SORCS1: variants seen among roughly 807,000 people sequenced by gnomAD.
SORCS1 encodes the protein VPS10 domain-containing receptor SorCS1.
In SORCS1, 60 loss-of-function variants were observed where a neutral mutation model predicts 146.1. That is an observed-to-expected ratio of 0.41 (90% CI 0.33 to 0.51). The LOEUF (loss-of-function observed/expected upper bound fraction) is 0.51. SORCS1 is among the 20% of genes least tolerant of loss of function. The pLI is 0.21. For synonymous variants in SORCS1, 637 were observed against 584.0 expected, an observed-to-expected ratio of 1.09 and a Z score of -1.31; for missense variants, 1,352 against 1,487.6, an observed-to-expected ratio of 0.91 and a Z score of 1.50.
At chr10:107,123,275 A>G (rs1220932679) in intron 1 of SORCS1, among the ~76,000 whole-genome samples, 1 of 152,230 alleles carries the variant, frequency 6.6e-6, no homozygotes, top group Non-Finnish European at 1.5e-5. Flanking sequence ...TGATGTTGAA[A>G]GCTTAGACTA....
chr10:106,784,777 C>T (rs7081367), intron 3 of SORCS1, among the ~76,000 whole-genome samples: 7,867 of 152,160 alleles, frequency 0.052, 310 homozygotes, highest in South Asian at 0.11. Context: ...CTTTATTCCA[C>T]AAGAAATGAT....
At chr10:106,886,247 A>C (rs912200983) in intron 2 of SORCS1, among the ~76,000 whole-genome samples, 1 of 152,154 alleles carries the variant, frequency 6.6e-6, no homozygotes, top group African/African-American at 2.4e-5. Flanking sequence ...GGGTGACAAG[A>C]GTGAGACTCT....
At position 106,990,970 on chromosome 10, in the gene SORCS1, G is replaced by C. The variant is rs74152298; in HGVS notation, c.559-34390C>G. The stretch of plus-strand genomic sequence containing the variant: ...TGCAGCTAAAATAATCTTGCTTAAA[G>C]GAACCTTCATGCCTAGCCATTGGTT... On this transcript the variant is annotated intron_variant, in intron 1 of 25. Coordinates refer to ENST00000263054, the MANE Select transcript of SORCS1 (RefSeq NM_052918.5). Among the ~76,000 whole-genome samples the C allele has an allele frequency of 4.9e-3, 751 of 152,284 alleles. 10 individuals are homozygous for C. The highest frequency in any genetic ancestry group is 0.017 in the African/African-American group (713 of 41,554).
intron 5 of SORCS1, among the ~76,000 whole-genome samples, chr10:106,742,149 T>C (rs889055185): frequency 6.6e-6 from 1 of 152,194 alleles, no homozygotes; most frequent in East Asian, 1.9e-4. Context: ...TTGATCTTCA[T>C]TGGAGAGGCA....
intron 1 of SORCS1, among the ~76,000 whole-genome samples, chr10:106,986,606 T>C (rs376650285): frequency 3.0e-4 from 46 of 152,166 alleles, no homozygotes; most frequent in African/African-American, 1.1e-3. Flanking sequence ...TGGTACTCTA[T>C]GTACACAGAT....
chr10:106,702,720 CCTT>C (rs1243214822), intron 8 of SORCS1, among the ~76,000 whole-genome samples: 1 of 152,106 alleles, frequency 6.6e-6, no homozygotes, highest in Admixed American at 6.6e-5. Context: ...TATATATTAT[CCTT>C]CTTTTTTCTC....
At chr10:106,863,256 A>G (rs1440688946) in intron 2 of SORCS1, among the ~76,000 whole-genome samples, 1 of 152,002 alleles carries the variant, frequency 6.6e-6, no homozygotes, top group Non-Finnish European at 1.5e-5. Context: ...GGGCACGGTG[A>G]CTCACACCTA....
intron 2 of SORCS1, among the ~76,000 whole-genome samples, chr10:106,842,316 C>T (rs1216668873): frequency 3.9e-5 from 6 of 152,144 alleles, no homozygotes; most frequent in African/African-American, 4.8e-5. Context: ...TCACTGCAAC[C>T]GCCATTTCCC....
At chr10:107,146,480 G>A (rs542200592) in intron 1 of SORCS1, among the ~76,000 whole-genome samples, 16 of 152,240 alleles carry the variant, frequency 1.1e-4, no homozygotes, top group East Asian at 3.9e-4. Context: ...ACTACAGAAC[G>A]TGAGTGGATG....
intron 3 of SORCS1, among the ~76,000 whole-genome samples, chr10:106,811,495 C>T (rs995814170): frequency 3.9e-5 from 6 of 152,088 alleles, no homozygotes; most frequent in Admixed American, 2.6e-4. Context: ...TCAGAACTAA[C>T]GACCTAGAAT....
intron 2 of SORCS1, among the ~76,000 whole-genome samples, chr10:106,832,777 T>A (rs1193557129): frequency 1.4e-4 from 22 of 152,032 alleles, no homozygotes; most frequent in Admixed American, 1.4e-3. Context: ...TAAGACTACA[T>A]GAGAGACAAG....
chr10:107,118,834 A>C (rs924907512), intron 1 of SORCS1, among the ~76,000 whole-genome samples: 1 of 152,216 alleles, frequency 6.6e-6, no homozygotes, highest in Admixed American at 6.5e-5. Context: ...ATGTCTGAGC[A>C]ATGGATACAG....
At chr10:107,145,077 G>A (rs1423466198) in intron 1 of SORCS1, among the ~76,000 whole-genome samples, 2 of 152,168 alleles carry the variant, frequency 1.3e-5, no homozygotes, top group African/African-American at 4.8e-5. Flanking sequence ...AGGGGGAGGT[G>A]TAAAAGCATT....
chr10:106,583,096 T>G (rs2133215868), intron 24 of SORCS1, among the ~76,000 whole-genome samples: 1 of 152,314 alleles, frequency 6.6e-6, no homozygotes, highest in East Asian at 1.9e-4. Flanking sequence ...ACGAAACTAG[T>G]GTTTAGTCTA....
At chr10:106,713,663 T>C (rs1051618892) in intron 6 of SORCS1, among the ~76,000 whole-genome samples, 1 of 152,178 alleles carries the variant, frequency 6.6e-6, no homozygotes, top group East Asian at 1.9e-4. Flanking sequence ...CCAACTGACT[T>C]TGCAGATAAA....
At chr10:107,165,103 T>C (rs1285863014), upstream of SORCS1, among the ~76,000 whole-genome samples, 1 of 152,128 alleles carries the variant, frequency 6.6e-6, no homozygotes, top group Non-Finnish European at 1.5e-5. The surrounding 1 kb of genome is among the most constrained non-coding windows in gnomAD (Gnocchi z 4.0). Context: ...TGTTTCCTTT[T>C]TTCTCCGTCT....
intron 2 of SORCS1, among the ~76,000 whole-genome samples, chr10:106,944,871 C>CTTTTTTTTTTTTTTTTTT (rs1564838013): frequency 1.6e-4 from 10 of 61,022 alleles, no homozygotes; most frequent in African/African-American, 4.0e-4. Flanking sequence ...AAGAAAGAGC[C>CTTTTTTTTTTTTTTTTTT]TTCTTTTTTT....
At chr10:106,947,034 T>C (rs1380443969) in intron 2 of SORCS1, among the ~76,000 whole-genome samples, 3 of 152,154 alleles carry the variant, frequency 2.0e-5, no homozygotes, top group Non-Finnish European at 2.9e-5. Context: ...CACAGTCCAA[T>C]ACACATATGA....
chr10:107,101,129 G>A (rs545063707), intron 1 of SORCS1, among the ~76,000 whole-genome samples: 2 of 152,084 alleles, frequency 1.3e-5, no homozygotes, highest in South Asian at 2.1e-4. Flanking sequence ...GCGCGATCTC[G>A]GCTCACTGCA....
Sources: gnomAD v4.1 joint callset for allele counts (sites outside exome capture counted in the v4.1 genomes callset) on GRCh38, gnomAD v4.1.1 for gene constraint, Gnocchi (gnomAD v3.1) non-coding constraint, MANE v1.5 for transcripts, NCBI Gene and HGNC (gene_info 2026-07-23, HGNC 2026-07-21) for gene names.